TCF7L2: variants seen among roughly 807,000 people sequenced by gnomAD.
TCF7L2 encodes transcription factor 7-like 2.
A neutral mutation model predicts 77.9 loss-of-function variants in TCF7L2; 23 were observed. That is an observed-to-expected ratio of 0.30 (90% CI 0.21 to 0.42). TCF7L2 has a LOEUF of 0.42. Among genes scored for constraint, TCF7L2 ranks in the 10% least tolerant of loss-of-function variants. TCF7L2 has a pLI of 1.00. For missense variants in TCF7L2, 654 were observed against 793.1 expected, an observed-to-expected ratio of 0.82 and a Z score of 2.11; for synonymous variants, 413 against 340.2, an observed-to-expected ratio of 1.21 and a Z score of -2.36.
intron 5 of TCF7L2, among the ~76,000 whole-genome samples, chr10:113,109,623 G>A (rs149048391): frequency 2.0e-5 from 3 of 152,226 alleles, no homozygotes; most frequent in Non-Finnish European, 2.9e-5. Flanking sequence ...ACTCCTGACC[G>A]CAGGTCAACC....
intron 4 of TCF7L2, among the ~76,000 whole-genome samples, chr10:113,031,690 G>T (rs2050245033): frequency 6.6e-6 from 1 of 152,102 alleles, no homozygotes; most frequent in African/African-American, 2.4e-5. Context: ...GTCTCACCAT[G>T]TTGGCCAGGC....
At chr10:112,952,012 CTCTCTCTCCT>C (rs1483514814) in intron 3 of TCF7L2, 1 of 152,628 alleles carries the variant, frequency 6.6e-6, no homozygotes, top group Non-Finnish European at 1.5e-5. Flanking sequence ...CTCTCTCTCC[CTCTCTCTCCT>C]TCTCTTCCTT....
At chr10:112,983,489 A>AT (rs879846340) in intron 4 of TCF7L2, among the ~76,000 whole-genome samples, 247 of 152,204 alleles carry the variant, frequency 1.6e-3, no homozygotes, top group Non-Finnish European at 2.8e-3. Flanking sequence ...AAATAAATAA[A>AT]TAAATTAATT....
intron 5 of TCF7L2, among the ~76,000 whole-genome samples, chr10:113,107,410 G>A (rs1432426807): frequency 6.6e-6 from 1 of 152,060 alleles, no homozygotes; most frequent in East Asian, 1.9e-4. Flanking sequence ...AGGGGCTGTT[G>A]ACTGATACCC....
At position 113,141,298 on chromosome 10, in the gene TCF7L2, G is replaced by A. The variant is rs776719680; in HGVS notation, c.667G>A (p.Asp223Asn). 13 of 1,613,986 alleles carry A rather than the reference G, an allele frequency of 8.1e-6. No homozygotes were observed. The highest frequency in any genetic ancestry group is 2.2e-5 in the East Asian group (1 of 44,890). ...AAACCCACCTCCACACTTACCAGCC[G>A]ACGTAGACCCCAAAACAGGTAGGCT... Residue 223 changes from aspartate to asparagine, a missense_variant, in exon 6 of 14, where the codon GAC becomes AAC. Coordinates refer to ENST00000627217, the MANE Select transcript of TCF7L2 (RefSeq NM_001146274.2).
chr10:113,129,889 G>C (rs751321529), intron 5 of TCF7L2: 10 of 1,291,132 alleles, frequency 7.7e-6, no homozygotes, highest in Non-Finnish European at 1.0e-5. Context: ...CACAATTTTA[G>C]TGGGAATGGA....
chr10:113,123,495 A>C (rs563768196), intron 5 of TCF7L2, among the ~76,000 whole-genome samples: 1 of 152,348 alleles, frequency 6.6e-6, no homozygotes, highest in African/African-American at 2.4e-5. Flanking sequence ...TGATGGGGGA[A>C]ACGTCTGCAC....
intron 3 of TCF7L2, among the ~76,000 whole-genome samples, chr10:112,963,415 T>A (rs1294106018): frequency 6.6e-6 from 1 of 152,250 alleles, no homozygotes; most frequent in Non-Finnish European, 1.5e-5. Context: ...CACAGACGTG[T>A]TCTGGTAGTA....
rs370805048 is a variant in TCF7L2 at position 113,070,269 on chromosome 10, T to TA, written c.552+30143_552+30144insA. Among the ~76,000 whole-genome samples, 536 of 124,100 alleles carry TA rather than the reference T, an allele frequency of 4.3e-3. 9 individuals carry two copies. The highest frequency in any genetic ancestry group is 0.041 in the South Asian group (146 of 3,564). The allele number at this position is 124,100 out of a possible 152,430, so 81.4% of individuals were successfully genotyped here. Reference sequence around the variant, plus strand: ...GACTCCGTCTTAAAAAAAAAAAAATTTATATATATATATATATATATGAAT... The same window carrying TA: ...GACTCCGTCTTAAAAAAAAAAAAATTATATATATATATATATATATATGAAT... On this transcript the variant is annotated intron_variant, in intron 5 of 13. Transcript: ENST00000627217.
intron 13 of TCF7L2, among the ~76,000 whole-genome samples, chr10:113,162,002 G>A (rs114692705): frequency 0.021 from 3,242 of 152,288 alleles, 110 homozygotes; most frequent in African/African-American, 0.075. Context: ...ACAGTCCTGG[G>A]GTCTTCTCTG....
At chr10:113,127,395 C>T (rs1029069127) in intron 5 of TCF7L2, among the ~76,000 whole-genome samples, 6 of 152,056 alleles carry the variant, frequency 3.9e-5, no homozygotes, top group African/African-American at 1.2e-4. Flanking sequence ...CCCTTCCTCC[C>T]TTCTTGAACC....
At chr10:112,959,681 G>C (rs146903633) in intron 3 of TCF7L2, among the ~76,000 whole-genome samples, 1 of 152,060 alleles carries the variant, frequency 6.6e-6, no homozygotes, top group Non-Finnish European at 1.5e-5. Flanking sequence ...GGCCCCCCTT[G>C]GTACTTTTTA....
intron 11 of TCF7L2, among the ~76,000 whole-genome samples, chr10:113,153,320 C>T (rs1273219438): frequency 6.6e-6 from 1 of 152,210 alleles, no homozygotes; most frequent in Non-Finnish European, 1.5e-5. Flanking sequence ...TCTTGTTTTG[C>T]CTGATACTTT....
rs146732201 is a variant in TCF7L2, at chr10:113,044,895, G to T, written c.552+4769G>T. 2.6e-3 allele frequency among the ~76,000 whole-genome samples: 396 copies of T among 152,304 alleles called. 1 individual carries two copies. The highest frequency in any genetic ancestry group is 9.0e-3 in the African/African-American group (375 of 41,556). On this transcript the variant is annotated intron_variant, in intron 5 of 13. Transcript: ENST00000627217. ...TATGGTGAGGATCTGACACTGGGGA[G>T]TCATTTGAGCAGGTTGGCTGTTTCT...
Position 112,956,718 on chromosome 10 carries a change from C to CT in TCF7L2, c.381+5116dup, listed in dbSNP as rs149480469. Among the ~76,000 whole-genome samples the CT allele has an allele frequency of 3.9e-3, 590 of 152,264 alleles. 4 individuals carry two copies. The highest frequency in any genetic ancestry group is 0.014 in the South Asian group (67 of 4,820). On this transcript the variant is annotated intron_variant, in intron 3 of 13. Transcript: ENST00000627217. ...TCTGCTGAAAGAAATGTGCCCCAGT[C>CT]TTTTTGCTGGCAAGCGCACCACCAG...
Position 113,044,383 on chromosome 10 carries a change from A to G in TCF7L2, c.552+4257A>G, listed in dbSNP as rs115106194. On this transcript the variant is annotated intron_variant, in intron 5 of 13. Transcript: ENST00000627217. ...GTTCAGGGGAACCTACCCATAATTAATTTTTTAAAACACTACCTAGAGAGC... is the reference window on the plus strand; with the variant it reads ...GTTCAGGGGAACCTACCCATAATTAGTTTTTTAAAACACTACCTAGAGAGC... Among the ~76,000 whole-genome samples the G allele has an allele frequency of 9.5e-3, 1,454 of 152,262 alleles. 22 individuals are homozygous for G. Among genetic ancestry groups the G allele is most frequent in the African/African-American group, 0.033 (1,379 of 41,548 alleles).
chr10:113,074,685 A>G (rs2058498618), intron 5 of TCF7L2, among the ~76,000 whole-genome samples: 1 of 152,136 alleles, frequency 6.6e-6, no homozygotes, highest in African/African-American at 2.4e-5. Flanking sequence ...GTTGCTACTG[A>G]CTACTACAGT....
At chr10:113,008,165 T>A (rs1211562822) in intron 4 of TCF7L2, among the ~76,000 whole-genome samples, 3 of 152,226 alleles carry the variant, frequency 2.0e-5, no homozygotes, top group Non-Finnish European at 4.4e-5. Flanking sequence ...GCTCCTTTTT[T>A]CAGATTTTCA....
At chr10:113,026,473 A>T (rs1590672151) in intron 4 of TCF7L2, among the ~76,000 whole-genome samples, 1 of 152,088 alleles carries the variant, frequency 6.6e-6, no homozygotes, top group East Asian at 1.9e-4. Context: ...TTTGGTTTTT[A>T]ACCATGCTGC....
Sources: gnomAD v4.1 joint callset for allele counts (sites outside exome capture counted in the v4.1 genomes callset) on GRCh38, gnomAD v4.1.1 for gene constraint, MANE v1.5 for transcripts, NCBI Gene and HGNC (gene_info 2026-07-23, HGNC 2026-07-21) for gene names.